Variants in HDAC4 observed in about 807,000 individuals in gnomAD.
HDAC4 encodes the protein histone deacetylase 4.
A neutral mutation model predicts 135.1 loss-of-function variants in HDAC4; 16 were observed. That is an observed-to-expected ratio of 0.12 (90% CI 0.08 to 0.18). The LOEUF (loss-of-function observed/expected upper bound fraction) is 0.18, where lower values mean the gene tolerates loss of function less well. Among genes scored for constraint, HDAC4 ranks in the 10% least tolerant of loss-of-function variants. HDAC4 has a pLI of 1.00. For missense variants in HDAC4, 1,143 were observed against 1,511.8 expected, an observed-to-expected ratio of 0.76 and a Z score of 4.05; for synonymous variants, 685 against 653.4, an observed-to-expected ratio of 1.05 and a Z score of -0.74.
At chr2:239,181,742 A>G (rs2044167182) in intron 4 of HDAC4, among the ~76,000 whole-genome samples, 1 of 152,130 alleles carries the variant, frequency 6.6e-6, no homozygotes, top group Non-Finnish European at 1.5e-5. Context: ...GCACCTAAAT[A>G]TTTAACCTCT....
chr2:239,312,681 C>T (rs1469695480), intron 2 of HDAC4, among the ~76,000 whole-genome samples: 1 of 152,184 alleles, frequency 6.6e-6, no homozygotes, highest in Non-Finnish European at 1.5e-5. Context: ...AGGTCTGTGG[C>T]GTTTCTTCCA....
chr2:239,224,226 T>C (rs996697210), intron 3 of HDAC4, among the ~76,000 whole-genome samples: 1 of 152,224 alleles, frequency 6.6e-6, no homozygotes, highest in African/African-American at 2.4e-5. Context: ...GTCAGATATC[T>C]CTAGAATTTG....
At position 239,167,459 on chromosome 2, in the gene HDAC4, C is replaced by T. The variant is rs1280290766; in HGVS notation, c.491-3536G>A. ...ACATGACTGGGGTTCACACCCCACC[C>T]ATGCCCAGCATAGGCCTGGCCAGCA... On this transcript the variant is annotated intron_variant, in intron 5 of 26. Transcript: ENST00000543185. The surrounding 1 kb of genome is among the most constrained non-coding windows in gnomAD (Gnocchi z 4.1). Among the ~76,000 whole-genome samples the T allele has an allele frequency of 6.6e-6, 1 of 152,204 alleles. No individual in the cohort carries two copies. Among genetic ancestry groups the T allele is most frequent in the Non-Finnish European group, 1.5e-5 (1 of 68,040 alleles).
In HDAC4 at chr2:239,090,090, C is replaced by G; in HGVS notation, c.2307G>C (p.Glu769Asp). The part of the protein sequence containing the change: ...VGVDSDTIWN[E>D]VHSAGAARLA... ...GGCGGGCTGCCCCCGCCGAGTGCAC[C>G]TCGTTCCATATGGTGTCACTGTCCA... The change falls in exon 18 of 27, where the codon GAG (glutamate) becomes GAC (aspartate). Residue 769 changes from glutamate to aspartate, a missense_variant. Coordinates refer to ENST00000543185, the MANE Select transcript of HDAC4 (RefSeq NM_001378414.1). The G allele has an allele frequency of 6.2e-7, 1 of 1,613,752 alleles. No individual in the cohort carries two copies. Among genetic ancestry groups the G allele is most frequent in the Non-Finnish European group, 8.5e-7 (1 of 1,179,934 alleles).
rs549044090 is a variant in HDAC4, at chr2:239,104,362, G to A, written c.2113-1466C>T. On this transcript the variant is annotated intron_variant, in intron 15 of 26. Coordinates refer to ENST00000543185, the MANE Select transcript of HDAC4 (RefSeq NM_001378414.1). ...TCCTGCCTCAGCCTCCTGAGTAGCT[G>A]GGATTATAGGTGCCCACCATCACAC... Among the ~76,000 whole-genome samples, 12 of 152,270 alleles carry A rather than the reference G, an allele frequency of 7.9e-5. No individual in the cohort carries two copies. The East Asian group carries it at 2.3e-3, about 29-fold the overall frequency.
chr2:239,053,990 C>T (rs528142080), intron 25 of HDAC4, among the ~76,000 whole-genome samples: 15 of 151,780 alleles, frequency 9.9e-5, no homozygotes, highest in African/African-American at 2.2e-4. Flanking sequence ...GGGGGATTGT[C>T]GCTGGGGCTG....
At chr2:239,053,789 A>ATCTC (rs1426175994) in intron 25 of HDAC4, among the ~76,000 whole-genome samples, 188 bp from the exon 26 acceptor site, 1 of 152,086 alleles carries the variant, frequency 6.6e-6, no homozygotes, top group African/African-American at 2.4e-5. Context: ...GACCCAAAAA[A>ATCTC]TCTCTGGAAA....
intron 4 of HDAC4, among the ~76,000 whole-genome samples, chr2:239,181,031 C>T (rs1289166977): frequency 6.6e-6 from 1 of 152,248 alleles, no homozygotes; most frequent in East Asian, 1.9e-4. Flanking sequence ...ACCTCGGGCT[C>T]TAGGCAGGTC....
intron 7 of HDAC4, among the ~76,000 whole-genome samples, chr2:239,149,394 A>T (rs1214684144): frequency 2.6e-5 from 4 of 151,710 alleles, no homozygotes; most frequent in South Asian, 2.1e-4. Context: ...ATAAATAAAT[A>T]AATAAAAAGA....
intron 3 of HDAC4, among the ~76,000 whole-genome samples, chr2:239,196,828 A>C (rs2045417102): frequency 6.6e-6 from 1 of 152,126 alleles, no homozygotes; most frequent in Non-Finnish European, 1.5e-5. Flanking sequence ...AGGAAGAGAG[A>C]GTGGGGCCAT....
intron 2 of HDAC4, chr2:239,298,624 C>A: frequency 1.0e-6 from 1 of 992,030 alleles, no homozygotes; most frequent in Non-Finnish European, 1.2e-6. Flanking sequence ...GTGATAGGAA[C>A]AGCCTGCCAC....
At chr2:239,113,019 G>A (rs2038811770) in intron 13 of HDAC4, among the ~76,000 whole-genome samples, 1 of 152,202 alleles carries the variant, frequency 6.6e-6, no homozygotes, top group Non-Finnish European at 1.5e-5. Flanking sequence ...GAGGTAAGGA[G>A]TTCGAGACCA....
In HDAC4 at chr2:239,068,458, C is replaced by A; in HGVS notation, c.2869+31G>T. The A allele has an allele frequency of 6.8e-7, 1 of 1,460,144 alleles. No homozygotes were observed. Among genetic ancestry groups the A allele is most frequent in the Non-Finnish European group, 9.6e-7 (1 of 1,039,670 alleles). The allele number at this position is 1,460,144 out of a possible 1,614,324, so 90.4% of individuals were successfully genotyped here. ...AGCGGATCATGGACATGAGCAGAAC[C>A]GGCTCCTCAGTCATATGCAGAACCA... On this transcript the variant is annotated intron_variant, in intron 23 of 26. Transcript: ENST00000543185. This position sits in a 1 kb window ranked among gnomAD's most constrained non-coding sequence, Gnocchi z 4.4.
Position 239,313,973 on chromosome 2 carries a change from C to T in HDAC4, c.22+38705G>A, listed in dbSNP as rs1379159545. 6.6e-6 allele frequency among the ~76,000 whole-genome samples: 1 copy of T among 152,136 alleles called. No homozygotes were observed. Among genetic ancestry groups the T allele is most frequent in the Non-Finnish European group, 1.5e-5 (1 of 68,028 alleles). On this transcript the variant is annotated intron_variant, in intron 2 of 26. Transcript: ENST00000543185. The surrounding 1 kb of genome is among the most constrained non-coding windows in gnomAD (Gnocchi z 5.1). ...TTGGCAGGGGAAGCCAGAAGACAGG[C>T]CTGCAAGGGACACATCCGGGCCTGG...
intron 2 of HDAC4, among the ~76,000 whole-genome samples, chr2:239,287,100 G>A (rs549168273): frequency 4.4e-4 from 67 of 152,270 alleles, no homozygotes; most frequent in African/African-American, 1.6e-3. Flanking sequence ...ATTTGATCAC[G>A]TCTATACCAG....
intron 3 of HDAC4, among the ~76,000 whole-genome samples, chr2:239,200,756 G>A (rs589712): frequency 0.23 from 35,490 of 152,098 alleles, 5,608 homozygotes; most frequent in Non-Finnish European, 0.33. Flanking sequence ...GGGGCTGGGC[G>A]GGAGAGAGAC....
Position 239,068,751 on chromosome 2 carries a change from C to G in HDAC4, c.2751-144G>C, listed in dbSNP as rs2033853566. 1 of 749,752 alleles carries G rather than the reference C, an allele frequency of 1.3e-6. No homozygotes were observed. The highest frequency in any genetic ancestry group is 1.4e-5 in the South Asian group (1 of 71,028). The allele number at this position is 749,752 out of a possible 1,614,324, so 46.4% of individuals were successfully genotyped here. A position where few individuals can be genotyped will look rare whatever the true frequency, so the allele number is the denominator to read the frequency against. ...CGGGCTGAGGGCTCCACACAGCAGG[C>G]TGGAATCTGGCGACCACGCTTAATT... is the stretch of plus-strand genomic sequence containing the variant. On this transcript the variant is annotated intron_variant, in intron 22 of 26. Transcript: ENST00000543185. This position sits in a 1 kb window ranked among gnomAD's most constrained non-coding sequence, Gnocchi z 4.4.
At chr2:239,247,332 C>G (rs986997889) in intron 2 of HDAC4, among the ~76,000 whole-genome samples, 4 of 152,220 alleles carry the variant, frequency 2.6e-5, no homozygotes, top group Non-Finnish European at 5.9e-5. Flanking sequence ...TCCACCTGGA[C>G]GTAGAACCCG....
chr2:239,301,046 C>CCTG (rs1383022281), intron 2 of HDAC4, among the ~76,000 whole-genome samples: 1 of 152,214 alleles, frequency 6.6e-6, no homozygotes. Flanking sequence ...GCTCATTCCT[C>CCTG]CTGCTGCTGC....
Sources: allele counts gnomAD v4.1 joint callset (sites outside exome capture counted in the v4.1 genomes callset), GRCh38; gene constraint gnomAD v4.1.1; non-coding constraint Gnocchi (gnomAD v3.1); transcripts MANE v1.5; gene names NCBI Gene and HGNC (gene_info 2026-07-23, HGNC 2026-07-21).